NBPF12: variants seen among roughly 807,000 people sequenced by gnomAD.
The protein encoded by NBPF12 is NBPF member 12, also known as NBPF family member NBPF12.
In NBPF12, 115 loss-of-function variants were observed where a neutral mutation model predicts 146.4. That is an observed-to-expected ratio of 0.79 (90% CI 0.68 to 0.92). The LOEUF is 0.92. Ranked by LOEUF, NBPF12 falls within the 40% of genes least tolerant of loss-of-function variation. The pLI is 0.00. For missense variants in NBPF12, 1,205 were observed against 1,326.8 expected, an observed-to-expected ratio of 0.91 and a Z score of 1.43; for synonymous variants, 385 against 508.9, an observed-to-expected ratio of 0.76 and a Z score of 3.28.
chr1:146,966,197 TA>T (rs1656195774), intron 8 of NBPF12, among the ~76,000 whole-genome samples: 1 of 151,944 alleles, frequency 6.6e-6, no homozygotes, highest in Non-Finnish European at 1.5e-5. Flanking sequence ...ACTCATGGGA[TA>T]AAAATCTCAG....
rs1654741163 is a variant in NBPF12, at chr1:146,940,311, A to G, written c.-822+1329A>G. Among the ~76,000 whole-genome samples the G allele has an allele frequency of 3.9e-5, 6 of 152,088 alleles. No individual in the cohort carries two copies. The South Asian group carries it at 1.3e-3, about 32-fold the overall frequency. ...ATACAGAAGAAGTTCACAATTTTAA[A>G]CGTGCAGGTGATCTGGGCGTGGTAG... On this transcript the variant is annotated intron_variant, in intron 1 of 35. Coordinates refer to the NBPF12 transcript ENST00000617931.
At chr1:146,949,980 C>T (rs1655257601) in intron 1 of NBPF12, among the ~76,000 whole-genome samples, 1 of 151,958 alleles carries the variant, frequency 6.6e-6, no homozygotes, top group Admixed American at 6.6e-5. Flanking sequence ...CATGCGGTAA[C>T]CTCACCATCT....
At chr1:146,975,542 C>G in intron 15 of NBPF12, 135 bp from the exon 19 acceptor site, 1 of 596,574 alleles carries the variant, frequency 1.7e-6, no homozygotes, top group Non-Finnish European at 3.0e-6. Flanking sequence ...TGGCCACAGA[C>G]ATTCCTTTCA....
At chr1:146,955,857 AAT>A (rs1655561242) in intron 2 of NBPF12, among the ~76,000 whole-genome samples, 15 of 151,526 alleles carry the variant, frequency 9.9e-5, no homozygotes, top group African/African-American at 3.7e-4. Flanking sequence ...AAACTCGTTT[AAT>A]ACTAAATGGC....
rs1274024175 is a variant in NBPF12, at chr1:146,968,715, A to G, written c.1091+165A>G. ...ATTTATCAAACAGAGAAGAAGGATAATAAAAATTTATGGGTTGCAGTTGTT... is the reference window on the plus strand; with the variant it reads ...ATTTATCAAACAGAGAAGAAGGATAGTAAAAATTTATGGGTTGCAGTTGTT... On this transcript the variant is annotated intron_variant, in intron 10 of 33. Transcript: ENST00000617844. Among the ~76,000 whole-genome samples the G allele has an allele frequency of 7.7e-4, 117 of 151,638 alleles. 3 individuals are homozygous for G. Among genetic ancestry groups the G allele is most frequent in the Non-Finnish European group, 1.1e-3 (77 of 68,004 alleles).
chr1:146,980,354 G>A (rs1360991879), intron 19 of NBPF12, among the ~76,000 whole-genome samples: 4 of 151,968 alleles, frequency 2.6e-5, no homozygotes, highest in African/African-American at 4.8e-5. Context: ...TGATCCTGTC[G>A]TTATGATGTT....
At chr1:146,950,143 G>A (rs1341004374) in intron 1 of NBPF12, among the ~76,000 whole-genome samples, 3 of 151,966 alleles carry the variant, frequency 2.0e-5, no homozygotes, top group Non-Finnish European at 4.4e-5. Flanking sequence ...CATCTGCAAA[G>A]TGCATTTACC....
At chr1:146,976,327 G>T (rs1173655779) in intron 16 of NBPF12, among the ~76,000 whole-genome samples, 4 of 145,538 alleles carry the variant, frequency 2.7e-5, no homozygotes, top group East Asian at 4.1e-4. Flanking sequence ...TCTTGCAAGG[G>T]TCTGAAGCTT....
At chr1:146,980,519 A>G (rs1418655552) in intron 19 of NBPF12, among the ~76,000 whole-genome samples, 1 of 151,684 alleles carries the variant, frequency 6.6e-6, no homozygotes, top group Non-Finnish European at 1.5e-5. Context: ...GGTGGTGACA[A>G]AATCTCTCAG....
At chr1:146,965,404 G>C (rs1323550640) in intron 8 of NBPF12, among the ~76,000 whole-genome samples, 2 of 151,252 alleles carry the variant, frequency 1.3e-5, no homozygotes, top group Non-Finnish European at 1.5e-5. Context: ...GGAGACTTAG[G>C]TGGGAGGATG....
chr1:146,972,640 A>G (rs1410321028), intron 13 of NBPF12, 111 bp from the exon 17 acceptor site: 2 of 979,514 alleles, frequency 2.0e-6, no homozygotes, highest in Admixed American at 1.7e-5. Context: ...CAGGGAAACA[A>G]CATCTTCAAA....
chr1:146,955,354 CAGAT>C (rs1375240848), intron 2 of NBPF12, among the ~76,000 whole-genome samples: 2 of 30,966 alleles, frequency 6.5e-5, no homozygotes, highest in Non-Finnish European at 1.2e-4. Context: ...TAACACAAAT[CAGAT>C]AGACAGTCAT....
At chr1:146,964,983 C>T (rs1303086835) in exon 8 of NBPF12, 3 of 1,606,748 alleles carry the variant, frequency 1.9e-6, no homozygotes, top group South Asian at 1.1e-5. Context: ...GCCCTTGTGA[C>T]TCCATCCAGC....
At chr1:146,955,980 G>GA (rs1655568478) in intron 2 of NBPF12, among the ~76,000 whole-genome samples, 2 of 150,714 alleles carry the variant, frequency 1.3e-5, no homozygotes, top group Admixed American at 1.3e-4. Flanking sequence ...AAGGGCACTG[G>GA]CTTCTTTTTT....
chr1:146,960,045 T>G, intron 3 of NBPF12, 39 bp downstream of exon 6: 3 of 464,656 alleles, frequency 6.5e-6, no homozygotes, highest in Non-Finnish European at 7.2e-6. Flanking sequence ...CCCTCAGTCC[T>G]GATTAAACCT....
intron 11 of NBPF12, among the ~76,000 whole-genome samples, chr1:146,970,000 C>T (rs1344169389): frequency 6.7e-6 from 1 of 150,068 alleles, no homozygotes; most frequent in African/African-American, 2.5e-5. Flanking sequence ...GTTTCTCTCT[C>T]TCCATCTGCA....
intron 4 of NBPF12, 122 bp from the exon 8 acceptor site, chr1:146,962,039 C>G (rs1655883111): frequency 9.9e-6 from 8 of 805,508 alleles, no homozygotes; most frequent in Non-Finnish European, 1.7e-5. Context: ...AAATCCCTGT[C>G]TAGACCCTGG....
At chr1:146,940,216 A>C (rs1654736671) in intron 1 of NBPF12, among the ~76,000 whole-genome samples, 1 of 151,308 alleles carries the variant, frequency 6.6e-6, no homozygotes, top group Non-Finnish European at 1.5e-5. Flanking sequence ...TTTTTTTTCT[A>C]TTCTAAAATG....
chr1:146,954,773 T>TA (rs1655489540), intron 2 of NBPF12, among the ~76,000 whole-genome samples: 31 of 148,854 alleles, frequency 2.1e-4, no homozygotes, highest in Non-Finnish European at 3.1e-4. Flanking sequence ...TGTGTTTTGT[T>TA]GAAAAAAAAA....
Sources: gnomAD v4.1 joint callset for allele counts (sites outside exome capture counted in the v4.1 genomes callset) on GRCh38, gnomAD v4.1.1 for gene constraint, MANE v1.5 for transcripts, NCBI Gene and HGNC (gene_info 2026-07-23, HGNC 2026-07-21) for gene names.